Variants in AKAP7 observed in about 807,000 individuals in gnomAD.
AKAP7 encodes A kinase (PRKA) anchor protein 7.
Under a neutral mutation model 39.5 loss-of-function variants are expected in AKAP7, and 39 were observed. The ratio of observed to expected loss-of-function variants is 0.99; its 90% CI spans 0.76 to 1.29. AKAP7 has a LOEUF of 1.29. AKAP7 is among the 50% of genes most tolerant of loss of function. The probability of loss-of-function intolerance (pLI) is 0.00; values close to 1 mark genes in which losing one functional copy is unlikely to be tolerated. For missense variants in AKAP7, 414 were observed against 407.7 expected, an observed-to-expected ratio of 1.02 and a Z score of -0.13; for synonymous variants, 140 against 139.1, an observed-to-expected ratio of 1.01 and a Z score of -0.05.
intron 2 of AKAP7, among the ~76,000 whole-genome samples, chr6:131,155,528 G>T (rs1048416427): frequency 6.6e-6 from 1 of 152,070 alleles, no homozygotes; most frequent in African/African-American, 2.4e-5. Context: ...TTTTGAAATG[G>T]TGATATTCTA....
chr6:131,169,155 A>T lies in AKAP7; in HGVS notation c.471A>T (p.Glu157Asp), dbSNP rs1485097328. The change falls in exon 5 of 8, where the codon GAA (glutamate) becomes GAT (aspartate). Residue 157 changes from glutamate to aspartate, a missense_variant. Physicochemically the swap from Glu to Asp is conservative, Grantham distance 45 (BLOSUM62 2). Coordinates refer to ENST00000431975, the MANE Select transcript of AKAP7 (RefSeq NM_016377.4). ...ALLELKPFIE[E>D]LLQGKHLTLP... ...TGGAATTGAAACCATTCATAGAAGA[A>T]CTCCTCCAGGGAAAACATTTGACTT... The T allele has an allele frequency of 1.9e-6, 3 of 1,613,478 alleles. No homozygotes were observed. Among genetic ancestry groups the T allele is most frequent in the Non-Finnish European group, 2.5e-6 (3 of 1,179,688 alleles).
chr6:131,142,964 T>G (rs981550806), intron 1 of AKAP7, among the ~76,000 whole-genome samples: 1 of 152,258 alleles, frequency 6.6e-6, no homozygotes, highest in South Asian at 2.1e-4. Flanking sequence ...TTTGGACTTA[T>G]GTGGAGCCTG....
At chr6:131,245,878 C>A (rs1238692037) in intron 7 of AKAP7, among the ~76,000 whole-genome samples, 1 of 151,922 alleles carries the variant, frequency 6.6e-6, no homozygotes, top group Non-Finnish European at 1.5e-5. Context: ...CTTTTGAATA[C>A]AAGATATTTA....
chr6:131,237,835 G>C (rs1290607915), intron 7 of AKAP7, among the ~76,000 whole-genome samples: 1 of 151,968 alleles, frequency 6.6e-6, no homozygotes, highest in African/African-American at 2.4e-5. Flanking sequence ...TATCAATTTT[G>C]TTGATCTTTT....
At chr6:131,243,585 C>T (rs760181035) in intron 7 of AKAP7, among the ~76,000 whole-genome samples, 2 of 152,100 alleles carry the variant, frequency 1.3e-5, no homozygotes, top group Non-Finnish European at 2.9e-5. Flanking sequence ...GGAAAAAAAG[C>T]TTTAATAATA....
intron 7 of AKAP7, among the ~76,000 whole-genome samples, chr6:131,223,841 C>A (rs901677258): frequency 2.0e-5 from 3 of 152,172 alleles, no homozygotes; most frequent in African/African-American, 7.2e-5. Context: ...CCTAAATTGA[C>A]ACTGGACAGT....
intron 6 of AKAP7, among the ~76,000 whole-genome samples, chr6:131,200,344 G>A (rs79599095): frequency 1.1e-3 from 171 of 152,242 alleles, no homozygotes; most frequent in Middle Eastern, 0.01. Flanking sequence ...GGTTCCTCAT[G>A]CAAATTCAGA....
chr6:131,138,739 T>C (rs1211083083), intron 1 of AKAP7, among the ~76,000 whole-genome samples: 5 of 152,236 alleles, frequency 3.3e-5, no homozygotes. Flanking sequence ...ATCAGTTAGT[T>C]TGTAAAATGA....
chr6:131,134,606 G>A (rs768890379), upstream of AKAP7, among the ~76,000 whole-genome samples: 2 of 152,146 alleles, frequency 1.3e-5, no homozygotes, highest in Non-Finnish European at 2.9e-5. Flanking sequence ...AATATTAGGG[G>A]AACTGGTTGT....
chr6:131,170,709 C>A (rs543365239), intron 5 of AKAP7, among the ~76,000 whole-genome samples: 1 of 152,068 alleles, frequency 6.6e-6, no homozygotes, highest in Non-Finnish European at 1.5e-5. Context: ...GTTGGTTTTT[C>A]TTTTGTGTTC....
At chr6:131,169,947 A>G (rs1449842786) in intron 5 of AKAP7, among the ~76,000 whole-genome samples, 1 of 149,408 alleles carries the variant, frequency 6.7e-6, no homozygotes, top group East Asian at 2.0e-4. Flanking sequence ...TTTTCTTTCT[A>G]TCTATTATTC....
At chr6:131,250,486 C>A in intron 7 of AKAP7, 2 of 1,603,848 alleles carry the variant, frequency 1.2e-6, no homozygotes, top group South Asian at 1.1e-5. Context: ...AGGGTGTGCT[C>A]GCAGACTGTG....
At chr6:131,207,054 AAAG>A (rs1227730229) in intron 6 of AKAP7, among the ~76,000 whole-genome samples, 1 of 152,170 alleles carries the variant, frequency 6.6e-6, no homozygotes. Context: ...ACTTATCGTA[AAAG>A]AAGGACTCTT....
chr6:131,227,579 A>T (rs1422262664), intron 7 of AKAP7, among the ~76,000 whole-genome samples: 1 of 152,178 alleles, frequency 6.6e-6, no homozygotes, highest in Non-Finnish European at 1.5e-5. Flanking sequence ...TTAATTTCAG[A>T]CTGTAGCATA....
chr6:131,250,383 C>T (rs1030873742), intron 7 of AKAP7: 2 of 1,429,032 alleles, frequency 1.4e-6, no homozygotes, highest in East Asian at 2.5e-5. Flanking sequence ...CTTTTTTGCT[C>T]ACGGCAGCAA....
intron 5 of AKAP7, among the ~76,000 whole-genome samples, chr6:131,198,950 G>A (rs528389829): frequency 3.3e-5 from 5 of 152,256 alleles, no homozygotes; most frequent in African/African-American, 7.2e-5. Flanking sequence ...TCCAGGAAAG[G>A]GCTGGACTCT....
At chr6:131,242,640 A>C (rs761831718) in intron 7 of AKAP7, among the ~76,000 whole-genome samples, 1 of 151,916 alleles carries the variant, frequency 6.6e-6, no homozygotes, top group Non-Finnish European at 1.5e-5. Context: ...TTCTGAGCCC[A>C]TTTTCTTCGT....
chr6:131,200,849 A>G (rs1182998426), intron 6 of AKAP7: 9 of 152,178 alleles, frequency 5.9e-5, no homozygotes, highest in South Asian at 2.1e-4. Context: ...TTTGCTTTCA[A>G]ATGGATTGTC....
intron 3 of AKAP7, among the ~76,000 whole-genome samples, chr6:131,160,961 A>G (rs746720686): frequency 2.1e-5 from 3 of 145,812 alleles, no homozygotes; most frequent in Non-Finnish European, 4.5e-5. Context: ...AGAACACCTC[A>G]CTTGGAAGAC....
Sources: gnomAD v4.1 joint callset for allele counts (sites outside exome capture counted in the v4.1 genomes callset) on GRCh38, gnomAD v4.1.1 for gene constraint, MANE v1.5 for transcripts, NCBI Gene and HGNC (gene_info 2026-07-23, HGNC 2026-07-21) for gene names.